FHIT: variants seen among roughly 807,000 people sequenced by gnomAD.
FHIT encodes the protein fragile histidine triad diadenosine triphosphatase, also known as bis(5'-adenosyl)-triphosphatase.
A neutral mutation model predicts 17.9 loss-of-function variants in FHIT; 19 were observed. The observed-to-expected ratio is 1.06, with a 90% CI of 0.74 to 1.56. FHIT has a LOEUF of 1.56. Among genes scored for constraint, FHIT ranks in the 40% most tolerant of loss-of-function variants. The pLI is 0.00. For missense variants in FHIT, 248 were observed against 189.2 expected, an observed-to-expected ratio of 1.31 and a Z score of -1.82; for synonymous variants, 81 against 69.7, an observed-to-expected ratio of 1.16 and a Z score of -0.81.
rs980389302 is a variant in FHIT, at chr3:61,125,903, T to A, written c.-164+74714A>T. Among the ~76,000 whole-genome samples, 3 of 152,188 alleles carry A rather than the reference T, an allele frequency of 2.0e-5. No individual in the cohort carries two copies. The South Asian group carries it at 6.2e-4, about 31-fold the overall frequency. On this transcript the variant is annotated intron_variant, in intron 2 of 9. Coordinates refer to ENST00000492590, the MANE Select transcript of FHIT (RefSeq NM_002012.4). Reference sequence around the variant, plus strand: ...TATAGTATGCCCTTGACATATAGAATCTTCTCCAGTCCATATACACTGTGA... The same window carrying A: ...TATAGTATGCCCTTGACATATAGAAACTTCTCCAGTCCATATACACTGTGA...
intron 8 of FHIT, among the ~76,000 whole-genome samples, chr3:59,755,322 C>A (rs1701158137): frequency 6.6e-6 from 1 of 152,170 alleles, no homozygotes; most frequent in Non-Finnish European, 1.5e-5. Context: ...CTGGGAAAGG[C>A]CCTGGTGGGC....
intron 5 of FHIT, among the ~76,000 whole-genome samples, chr3:60,333,225 C>A (rs573411142): frequency 6.6e-6 from 1 of 152,170 alleles, no homozygotes; most frequent in East Asian, 1.9e-4. Context: ...TGTATCTAAT[C>A]GATACATAAT....
intron 5 of FHIT, among the ~76,000 whole-genome samples, chr3:60,518,933 G>A (rs1229851214): frequency 6.6e-6 from 1 of 152,208 alleles, no homozygotes; most frequent in Non-Finnish European, 1.5e-5. Flanking sequence ...AACCCAGGAG[G>A]TGGAGGTTGC....
chr3:60,316,981 A>AT (rs1709190761), intron 5 of FHIT, among the ~76,000 whole-genome samples: 1 of 152,180 alleles, frequency 6.6e-6, no homozygotes, highest in South Asian at 2.1e-4. Flanking sequence ...AAGAACTAGG[A>AT]TTTTATTAAG....
At chr3:59,983,273 T>C (rs1181496376) in intron 7 of FHIT, among the ~76,000 whole-genome samples, 1 of 152,108 alleles carries the variant, frequency 6.6e-6, no homozygotes, top group Non-Finnish European at 1.5e-5. Flanking sequence ...AGAAGGGGTA[T>C]ATTTATTGGT....
At chr3:60,698,829 A>G (rs1382846563) in intron 4 of FHIT, among the ~76,000 whole-genome samples, 10 of 152,176 alleles carry the variant, frequency 6.6e-5, no homozygotes, top group African/African-American at 1.9e-4. Context: ...TTTCTTAATA[A>G]AAGTGTATCA....
chr3:60,124,005 T>TAGAGAGAG (rs1559653665), intron 5 of FHIT, among the ~76,000 whole-genome samples: 7 of 20,918 alleles, frequency 3.3e-4, no homozygotes, highest in Admixed American at 1.2e-3. Context: ...TATATATATA[T>TAGAGAGAG]ATATAGAGAG....
At chr3:60,760,408 A>C (rs1699606471) in intron 4 of FHIT, among the ~76,000 whole-genome samples, 1 of 152,224 alleles carries the variant, frequency 6.6e-6, no homozygotes, top group Admixed American at 6.5e-5. Context: ...GGACCAGCAG[A>C]GAGAAGCTAT....
At chr3:60,967,290 T>A (rs1709791152) in intron 3 of FHIT, among the ~76,000 whole-genome samples, 1 of 152,188 alleles carries the variant, frequency 6.6e-6, no homozygotes, top group Admixed American at 6.5e-5. Flanking sequence ...TTATACCACA[T>A]TGGTGGTAAT....
intron 3 of FHIT, among the ~76,000 whole-genome samples, chr3:60,970,061 C>T (rs956746203): frequency 6.6e-6 from 1 of 152,024 alleles, no homozygotes; most frequent in African/African-American, 2.4e-5. Context: ...TACACTGAAG[C>T]GATCTGCCTG....
intron 5 of FHIT, among the ~76,000 whole-genome samples, chr3:60,413,744 T>C (rs1323965022): frequency 6.6e-6 from 1 of 152,068 alleles, no homozygotes; most frequent in Non-Finnish European, 1.5e-5. Context: ...TAGTATGTAG[T>C]TGTCCATGTC....
chr3:60,789,470 A>T (rs933446807), intron 4 of FHIT, among the ~76,000 whole-genome samples: 1 of 152,168 alleles, frequency 6.6e-6, no homozygotes, highest in African/African-American at 2.4e-5. Context: ...GTGAGCCAAG[A>T]TTGTGCCACT....
Position 60,657,121 on chromosome 3 carries a change from A to T in FHIT, c.-17-120142T>A, listed in dbSNP as rs535341292. 2.0e-4 allele frequency among the ~76,000 whole-genome samples: 30 copies of T among 152,292 alleles called. No individual in the cohort carries two copies. The South Asian group carries it at 4.8e-3, about 24-fold the overall frequency. On this transcript the variant is annotated intron_variant, in intron 4 of 9. Transcript: ENST00000492590. ...GCAACCATGCCACGGGAGGATATGA[A>T]ATGTAGCTCATGAATTATGTTTATC...
At chr3:60,975,969 T>C (rs1710215855) in intron 3 of FHIT, among the ~76,000 whole-genome samples, 1 of 152,156 alleles carries the variant, frequency 6.6e-6, no homozygotes, top group Admixed American at 6.6e-5. Context: ...ATCAACTCTT[T>C]CTACACAGTG....
chr3:61,051,999 T>A (rs552758011), intron 2 of FHIT, among the ~76,000 whole-genome samples: 1 of 152,310 alleles, frequency 6.6e-6, no homozygotes, highest in South Asian at 2.1e-4. Context: ...AAAAGACTTT[T>A]GTTGGAGCCT....
At chr3:60,157,069 CA>C (rs1232091864) in intron 5 of FHIT, among the ~76,000 whole-genome samples, 10 of 151,936 alleles carry the variant, frequency 6.6e-5, no homozygotes, top group African/African-American at 2.2e-4. Flanking sequence ...AATCAATACT[CA>C]TTTATAATCT....
chr3:60,032,035 T>C (rs957197172), intron 5 of FHIT, among the ~76,000 whole-genome samples: 2 of 152,184 alleles, frequency 1.3e-5, no homozygotes, highest in African/African-American at 2.4e-5. Context: ...GTACTTATCA[T>C]TACAATTACT....
intron 2 of FHIT, among the ~76,000 whole-genome samples, chr3:61,165,292 C>T (rs1011307289): frequency 6.6e-6 from 1 of 152,148 alleles, no homozygotes; most frequent in African/African-American, 2.4e-5. Context: ...CACAGCCTCA[C>T]CAACATGTGT....
At chr3:59,971,062 C>A (rs1327642043) in intron 7 of FHIT, among the ~76,000 whole-genome samples, 1 of 152,008 alleles carries the variant, frequency 6.6e-6, no homozygotes, top group South Asian at 2.1e-4. Flanking sequence ...TGGAGAAACT[C>A]TGAAATTGGG....
Sources: allele counts gnomAD v4.1 joint callset (sites outside exome capture counted in the v4.1 genomes callset), GRCh38; gene constraint gnomAD v4.1.1; transcripts MANE v1.5; gene names NCBI Gene and HGNC (gene_info 2026-07-23, HGNC 2026-07-21).